Variants in LRRC37A2 observed in about 807,000 individuals in gnomAD.
LRRC37A2 encodes the protein leucine rich repeat containing 37 member A2.
In LRRC37A2, 9 loss-of-function variants were observed where a neutral mutation model predicts 68.8. That is an observed-to-expected ratio of 0.13 (90% CI 0.08 to 0.23). LRRC37A2 has a LOEUF of 0.23. Among genes scored for constraint, LRRC37A2 ranks in the 10% least tolerant of loss-of-function variants. The pLI is 1.00. For missense variants in LRRC37A2, 168 were observed against 950.4 expected (o/e 0.18, Z 10.82); for synonymous variants, 63 against 367.6 (o/e 0.17, Z 9.48).
chr17:46,609,957 G>A, the LRRC37A2 span, among the ~76,000 whole-genome samples: 1 of 143,716 alleles, frequency 7.0e-6, no homozygotes, highest in Non-Finnish European at 1.6e-5. Context: ...GAATAACGGG[G>A]ATTACTGATT....
the LRRC37A2 span, among the ~76,000 whole-genome samples, chr17:46,946,459 C>T: frequency 1.2e-5 from 1 of 84,138 alleles, no homozygotes; most frequent in Non-Finnish European, 2.4e-5. Flanking sequence ...AAAACTCCGT[C>T]TCAAAAAAAA....
chr17:46,777,038 A>G, the LRRC37A2 span, among the ~76,000 whole-genome samples: 3 of 152,138 alleles, frequency 2.0e-5, no homozygotes, highest in Non-Finnish European at 2.9e-5. Context: ...CACAAAGCCC[A>G]TTATACAGAT....
chr17:46,813,877 G>A, the LRRC37A2 span, among the ~76,000 whole-genome samples: 1 of 152,218 alleles, frequency 6.6e-6, no homozygotes, highest in Non-Finnish European at 1.5e-5. Flanking sequence ...TGCATTCTTT[G>A]GAGATTTCCA....
the LRRC37A2 span, chr17:46,924,547 A>G: frequency 6.6e-6 from 1 of 152,222 alleles, no homozygotes; most frequent in African/African-American, 2.4e-5. Context: ...CACACTCCCA[A>G]GGCCTGGAAA....
chr17:46,775,069 G>T, the LRRC37A2 span, among the ~76,000 whole-genome samples: 1 of 152,210 alleles, frequency 6.6e-6, no homozygotes, highest in Non-Finnish European at 1.5e-5. Context: ...ACCCCATGGG[G>T]CAGGGTGAGG....
intron 8 of LRRC37A2, among the ~76,000 whole-genome samples, chr17:46,541,418 A>G (rs1205864062): frequency 1.4e-5 from 2 of 147,808 alleles, no homozygotes; most frequent in Non-Finnish European, 3.0e-5. Flanking sequence ...CACCTGGCTA[A>G]TTTTTGTATT....
the LRRC37A2 span, among the ~76,000 whole-genome samples, chr17:46,598,543 T>C: frequency 3.3e-5 from 5 of 152,210 alleles, no homozygotes; most frequent in East Asian, 7.7e-4. Flanking sequence ...TTGGCAGAGA[T>C]AGGAGTAAGA....
chr17:47,000,009 A>AAATAAAATAAAATAAAAT, the LRRC37A2 span, among the ~76,000 whole-genome samples: 523 of 13,950 alleles, frequency 0.037, 25 homozygotes, highest in East Asian at 0.19. Flanking sequence ...AAAATAAAAT[A>AAATAAAATAAAATAAAAT]AAATAAAATA....
chr17:46,820,463 G>A, the LRRC37A2 span, among the ~76,000 whole-genome samples: 1 of 152,002 alleles, frequency 6.6e-6, no homozygotes, highest in Admixed American at 6.6e-5. Context: ...AGCCACCGGT[G>A]TGAGGAAGAA....
the LRRC37A2 span, among the ~76,000 whole-genome samples, chr17:47,001,717 CTTTTTTTTT>C: frequency 5.5e-5 from 6 of 108,610 alleles, no homozygotes; most frequent in African/African-American, 1.0e-4. Flanking sequence ...CTCTTTTTTC[CTTTTTTTTT>C]TTTTTTTTTT....
chr17:46,855,142 G>C, the LRRC37A2 span, among the ~76,000 whole-genome samples: 1 of 152,180 alleles, frequency 6.6e-6, no homozygotes, highest in Non-Finnish European at 1.5e-5. Context: ...TTCCAGTCTG[G>C]GCCCTTCAAC....
At chr17:46,914,441 G>A in the LRRC37A2 span, among the ~76,000 whole-genome samples, 1 of 151,932 alleles carries the variant, frequency 6.6e-6, no homozygotes, top group African/African-American at 2.4e-5. Context: ...CTGAGGTCAG[G>A]AGTTCGAGAC....
At chr17:46,516,242 G>A (rs2051282461) in intron 2 of LRRC37A2, among the ~76,000 whole-genome samples, 2 of 136,706 alleles carry the variant, frequency 1.5e-5, no homozygotes, top group Non-Finnish European at 3.3e-5. Context: ...GGCAGAGCTT[G>A]CAGTGAGCCG....
At chr17:46,662,084 C>G in the LRRC37A2 span, among the ~76,000 whole-genome samples, 16 of 93,052 alleles carry the variant, frequency 1.7e-4, no homozygotes, top group East Asian at 2.7e-4. Flanking sequence ...GTCAGGTGAT[C>G]CACCCGCCTC....
At chr17:46,845,095 C>G in the LRRC37A2 span, among the ~76,000 whole-genome samples, 6 of 152,194 alleles carry the variant, frequency 3.9e-5, no homozygotes, top group Non-Finnish European at 8.8e-5. Context: ...GTGATCCACT[C>G]GCCTCGGCCT....
chr17:46,816,934 C>A, the LRRC37A2 span, among the ~76,000 whole-genome samples: 7 of 152,218 alleles, frequency 4.6e-5, no homozygotes, highest in African/African-American at 1.7e-4. Context: ...CCAGACTGGC[C>A]GAACCTCCTT....
chr17:46,918,801 C>CT, the LRRC37A2 span, among the ~76,000 whole-genome samples: 2 of 152,186 alleles, frequency 1.3e-5, no homozygotes, highest in Non-Finnish European at 2.9e-5. Flanking sequence ...TGTCCTTTGT[C>CT]TTTTTGTGCA....
chr17:46,610,043 CTT>C, the LRRC37A2 span, among the ~76,000 whole-genome samples: 291 of 73,802 alleles, frequency 3.9e-3, 9 homozygotes, highest in Middle Eastern at 0.021. Context: ...CTCTCTCTCT[CTT>C]TCTTTCTTTC....
the LRRC37A2 span, chr17:46,770,051 G>T: frequency 6.5e-7 from 1 of 1,542,392 alleles, no homozygotes; most frequent in Admixed American, 2.0e-5. Flanking sequence ...GCGGGTGGCT[G>T]CGGGGAGGTC....
Sources: gnomAD v4.1 joint callset for allele counts (sites outside exome capture counted in the v4.1 genomes callset) on GRCh38, gnomAD v4.1.1 for gene constraint, MANE v1.5 for transcripts, NCBI Gene and HGNC (gene_info 2026-07-23, HGNC 2026-07-21) for gene names.